Variants in PHC1 observed in about 807,000 individuals in gnomAD.
PHC1 encodes the protein polyhomeotic homolog 1.
Under a neutral mutation model 104.3 loss-of-function variants are expected in PHC1, and 12 were observed. That is an observed-to-expected ratio of 0.12 (90% CI 0.07 to 0.19). The LOEUF is 0.19. Ranked by LOEUF, PHC1 falls within the 10% of genes least tolerant of loss-of-function variation. The probability of loss-of-function intolerance (pLI) is 1.00; values close to 1 mark genes in which losing one functional copy is unlikely to be tolerated. For synonymous variants in PHC1, 302 were observed against 455.8 expected, an observed-to-expected ratio of 0.66 and a Z score of 4.30; for missense variants, 671 against 1,200.0, an observed-to-expected ratio of 0.56 and a Z score of 6.51.
At chr12:8,917,592 C>A in intron 1 of PHC1, 38 bp from the exon 2 acceptor site, 1 of 548,392 alleles carries the variant, frequency 1.8e-6, no homozygotes, top group South Asian at 3.2e-5. Flanking sequence ...AGCTTGGGAT[C>A]AAGATATAAA....
At chr12:8,920,081 A>G (rs1945317806) in intron 3 of PHC1, among the ~76,000 whole-genome samples, 1 of 152,222 alleles carries the variant, frequency 6.6e-6, no homozygotes, top group Admixed American at 6.5e-5. Context: ...TGGCTGTGTT[A>G]TAGACCTGCA....
At chr12:8,921,828 T>C (rs1299566422) in intron 5 of PHC1, 78 bp downstream of exon 5, 5 of 1,383,060 alleles carry the variant, frequency 3.6e-6, no homozygotes, top group Non-Finnish European at 4.9e-6. Flanking sequence ...GAAAGCTTTT[T>C]TTTGAGACAG....
chr12:8,936,340 C>T (rs1352405083), intron 11 of PHC1, among the ~76,000 whole-genome samples: 2 of 152,196 alleles, frequency 1.3e-5, no homozygotes, highest in African/African-American at 2.4e-5. Flanking sequence ...CAAGATAGCA[C>T]CACGGCACTC....
At chr12:8,921,129 C>A in intron 4 of PHC1, 64 bp downstream of exon 4, 1 of 1,190,908 alleles carries the variant, frequency 8.4e-7, no homozygotes, top group Admixed American at 2.2e-5. Context: ...GGTTAAATTA[C>A]TTTGTGCCGC....
chr12:8,938,192 A>G (rs887413987), intron 14 of PHC1, 132 bp downstream of exon 14: 8 of 622,486 alleles, frequency 1.3e-5, no homozygotes, highest in African/African-American at 7.4e-5. Context: ...CTCTACTCCT[A>G]ATATTCAAGT....
At chr12:8,923,901 ATACAAAAATAC>A (rs1945441429) in intron 6 of PHC1, among the ~76,000 whole-genome samples, 1 of 152,148 alleles carries the variant, frequency 6.6e-6, no homozygotes. Flanking sequence ...ACAAAAAATA[ATACAAAAATAC>A]AGCATCGTGT....
chr12:8,913,973 T>C (rs1945120089), upstream of PHC1: 1 of 152,600 alleles, frequency 6.6e-6, no homozygotes, highest in Non-Finnish European at 1.5e-5. Flanking sequence ...ACAATCAACC[T>C]TCTCTCTCCT....
At position 8,927,905 on chromosome 12, in the gene PHC1, CTTTCTTTCT is replaced by C. The variant is rs762329292; in HGVS notation, c.613-2526_613-2518del. The stretch of plus-strand genomic sequence containing the variant: ...TCTTTCTTTCTTTCTTTCTTTCTTT[CTTTCTTTCT>C]TTTTTTTTTTTTTTGAGACAGAGTC... On this transcript the variant is annotated intron_variant, in intron 6 of 14. Coordinates refer to ENST00000544916, the MANE Select transcript of PHC1 (RefSeq NM_004426.3). 2.5e-3 allele frequency among the ~76,000 whole-genome samples: 252 copies of C among 100,500 alleles called. 2 individuals carry two copies. The highest frequency in any genetic ancestry group is 0.012 in the African/African-American group (233 of 19,354). 65.9% of individuals were successfully genotyped at this position (100,500 alleles called of 152,430 possible).
In PHC1 at chr12:8,936,660, C is replaced by T. The variant is rs563791867; in HGVS notation, c.2369-196C>T. 2.3e-4 allele frequency among the ~76,000 whole-genome samples: 35 copies of T among 152,206 alleles called. No homozygotes were observed. In the South Asian group the frequency reaches 6.6e-3, roughly 29 times the overall value. On this transcript the variant is annotated intron_variant, in intron 11 of 14. Coordinates refer to ENST00000544916, the MANE Select transcript of PHC1 (RefSeq NM_004426.3). ...AGAGTTCGGCTTAAGGTTAGGAAGA[C>T]GTCATAAAGTTCTCAAGGGACAAGT...
chr12:8,936,848 T>G lies in PHC1; in HGVS notation c.2369-8T>G, dbSNP rs1945851487. The stretch of plus-strand genomic sequence containing the variant: ...ATGGTGACTGTCCAGCAATACCTTG[T>G]TTTTTAGAGTTAGATAAGAAGGCGA... On this transcript the variant is annotated splice_polypyrimidine_tract_variant and splice_region_variant and intron_variant, in intron 11 of 14. Transcript: ENST00000544916. 6.3e-7 allele frequency: 1 copy of G among 1,578,304 alleles called. No individual in the cohort carries two copies. Among genetic ancestry groups the G allele is most frequent in the African/African-American group, 1.3e-5 (1 of 74,232 alleles).
chr12:8,927,767 C>A (rs141468088), intron 6 of PHC1, among the ~76,000 whole-genome samples: 1 of 152,242 alleles, frequency 6.6e-6, no homozygotes, highest in African/African-American at 2.4e-5. Flanking sequence ...CCTGATGATT[C>A]TTGTCAATAT....
In PHC1 at chr12:8,941,462, CA is replaced by C; in HGVS notation, c.*2008del. 1 of 191,398 alleles carries C rather than the reference CA, an allele frequency of 5.2e-6. No homozygotes were observed. Among genetic ancestry groups the C allele is most frequent in the Non-Finnish European group, 1.1e-5 (1 of 92,962 alleles). The allele number at this position is 191,398 out of a possible 1,614,324, so 11.9% of individuals were successfully genotyped here. On this transcript the variant is annotated 3_prime_UTR_variant, in exon 15 of 15. Transcript: ENST00000544916. ...TTTTAATTAAAGAAATCCAGTGTCT[CA>C]AAAACTTGTGAAAATGTGTTTAAAA...
chr12:8,929,059 G>GA (rs1376350804), intron 6 of PHC1, among the ~76,000 whole-genome samples: 2 of 152,210 alleles, frequency 1.3e-5, no homozygotes, highest in African/African-American at 4.8e-5. Flanking sequence ...TCCTGGGTTA[G>GA]AGGGTGTGTG....
At chr12:8,934,533 G>A in intron 10 of PHC1, 55 bp downstream of exon 10, 1 of 1,330,590 alleles carries the variant, frequency 7.5e-7, no homozygotes, top group Non-Finnish European at 1.1e-6. Flanking sequence ...TCTGATTGTT[G>A]TCTTTTCAAA....
chr12:8,929,184 G>A (rs2137099012), intron 6 of PHC1, among the ~76,000 whole-genome samples: 1 of 152,280 alleles, frequency 6.6e-6, no homozygotes, highest in East Asian at 1.9e-4. Context: ...TGATTAATAA[G>A]CTTTATTGGC....
chr12:8,934,486 C>T lies in PHC1; in HGVS notation c.2253+8C>T, dbSNP rs370773541. 97 of 1,608,008 alleles carry T rather than the reference C, an allele frequency of 6.0e-5. No homozygotes were observed. The highest frequency in any genetic ancestry group is 4.0e-4 in the East Asian group (18 of 44,868). Reference sequence around the variant, plus strand: ...GGAGCAGAACCTTTCCCGGTGAGGGCAGGGCCATAAGGTGGGACTTTGAAG... The same window carrying T: ...GGAGCAGAACCTTTCCCGGTGAGGGTAGGGCCATAAGGTGGGACTTTGAAG... On this transcript the variant is annotated splice_region_variant and intron_variant, in intron 10 of 14. Coordinates refer to ENST00000544916, the MANE Select transcript of PHC1 (RefSeq NM_004426.3).
At chr12:8,934,683 A>C (rs771562944) in intron 10 of PHC1, among the ~76,000 whole-genome samples, 1 of 152,342 alleles carries the variant, frequency 6.6e-6, no homozygotes, top group East Asian at 1.9e-4. Flanking sequence ...AAAAAAAGGA[A>C]GAAAGTAACC....
rs4883198 is a variant in PHC1 at position 8,917,770 on chromosome 12, T to A, written c.93T>A (p.Leu31=). 0.71 allele frequency: 1,115,468 copies of A among 1,561,100 alleles called. 401,041 individuals are homozygous for A. The highest frequency in any genetic ancestry group is 0.83 in the South Asian group (71,289 of 85,962). ...SSRPQIAQMS[L]YERQAVQALQ... ...GGCCCCAGATAGCTCAAATGTCACTTTATGAACGACAAGCAGTGCAGGTGA... is the reference window on the plus strand; with the variant it reads ...GGCCCCAGATAGCTCAAATGTCACTATATGAACGACAAGCAGTGCAGGTGA... Residue 31 remains leucine, a synonymous_variant, in exon 2 of 15, where the codon CTT becomes CTA. Coordinates refer to ENST00000544916, the MANE Select transcript of PHC1 (RefSeq NM_004426.3).
chr12:8,921,186 T>A, intron 4 of PHC1, 121 bp downstream of exon 4: 2 of 694,450 alleles, frequency 2.9e-6, no homozygotes, highest in Non-Finnish European at 4.8e-6. Flanking sequence ...TTACTGCTTT[T>A]AAGTAGAGAA....
Sources: allele counts gnomAD v4.1 joint callset (sites outside exome capture counted in the v4.1 genomes callset), GRCh38; gene constraint gnomAD v4.1.1; transcripts MANE v1.5; gene names NCBI Gene and HGNC (gene_info 2026-07-23, HGNC 2026-07-21).